Variants in NXPE2 observed in about 807,000 individuals in gnomAD.
NXPE2 encodes the protein neurexophilin and PC-esterase domain family member 2.
Under a neutral mutation model 34.4 loss-of-function variants are expected in NXPE2, and 34 were observed. That is an observed-to-expected ratio of 0.99 (90% CI 0.75 to 1.31). The LOEUF is 1.31. Among genes scored for constraint, NXPE2 ranks in the 40% most tolerant of loss-of-function variants. The probability of loss-of-function intolerance (pLI) is 0.00; values close to 1 mark genes in which losing one functional copy is unlikely to be tolerated. For synonymous variants in NXPE2, 235 were observed against 231.3 expected (o/e 1.02, Z -0.15); for missense variants, 649 against 672.5 (o/e 0.97, Z 0.39).
At chr11:114,813,672 T>G in the NXPE2 span, among the ~76,000 whole-genome samples, 1 of 152,238 alleles carries the variant, frequency 6.6e-6, no homozygotes, top group Non-Finnish European at 1.5e-5. Context: ...ATGCTACAAA[T>G]GTTGCAATGA....
At chr11:114,623,554 G>A in the NXPE2 span, among the ~76,000 whole-genome samples, 2,614 of 152,046 alleles carry the variant, frequency 0.017, 26 homozygotes, top group Non-Finnish European at 0.027. Context: ...CAGATAATAC[G>A]TATTGCCTCA....
At chr11:114,770,871 G>T in the NXPE2 span, among the ~76,000 whole-genome samples, 1 of 152,170 alleles carries the variant, frequency 6.6e-6, no homozygotes, top group Non-Finnish European at 1.5e-5. Context: ...AGAAAAAAAT[G>T]ATGTAGGATC....
the NXPE2 span, among the ~76,000 whole-genome samples, chr11:114,754,891 T>C: frequency 6.6e-6 from 1 of 152,174 alleles, no homozygotes; most frequent in African/African-American, 2.4e-5. Flanking sequence ...CTTAGAAGTT[T>C]GGAAATGTGT....
At chr11:114,505,711 A>G in the NXPE2 span, among the ~76,000 whole-genome samples, 1 of 152,214 alleles carries the variant, frequency 6.6e-6, no homozygotes, top group East Asian at 1.9e-4. Context: ...CTGCCTTACA[A>G]GAGCTCCTGA....
chr11:114,536,836 C>G, the NXPE2 span, among the ~76,000 whole-genome samples: 4 of 152,108 alleles, frequency 2.6e-5, no homozygotes. Context: ...GATTCACAGC[C>G]GAATTCTACC....
At chr11:114,666,429 T>C in the NXPE2 span, among the ~76,000 whole-genome samples, 8 of 152,290 alleles carry the variant, frequency 5.3e-5, no homozygotes, top group African/African-American at 1.4e-4. Context: ...TCAATTCAAT[T>C]TGATTATTAC....
the NXPE2 span, among the ~76,000 whole-genome samples, chr11:114,546,705 A>T: frequency 6.6e-6 from 1 of 152,080 alleles, no homozygotes; most frequent in African/African-American, 2.4e-5. Context: ...ACCATTCTCC[A>T]GTGAAAGGAA....
At chr11:114,725,993 A>ATATATATATATATATATATATATATAT in the NXPE2 span, among the ~76,000 whole-genome samples, 18 of 127,320 alleles carry the variant, frequency 1.4e-4, no homozygotes, top group East Asian at 7.4e-4. Flanking sequence ...ATATATATAT[A>ATATATATATATATATATATATATATAT]AAAAGAAAAA....
chr11:114,632,462 C>T, the NXPE2 span, among the ~76,000 whole-genome samples: 3 of 124,816 alleles, frequency 2.4e-5, no homozygotes, highest in African/African-American at 8.9e-5. Flanking sequence ...AAGAGTTATA[C>T]ATTATATATA....
chr11:114,488,381 T>C, the NXPE2 span, among the ~76,000 whole-genome samples: 1 of 152,300 alleles, frequency 6.6e-6, no homozygotes, highest in East Asian at 1.9e-4. Context: ...TTAGGTCTTC[T>C]CTCTTTTTTT....
At chr11:114,746,141 G>C in the NXPE2 span, among the ~76,000 whole-genome samples, 4 of 152,010 alleles carry the variant, frequency 2.6e-5, no homozygotes, top group Non-Finnish European at 5.9e-5. Context: ...GTTGATGTTT[G>C]ACCAGAATCT....
At chr11:114,727,503 C>T in the NXPE2 span, among the ~76,000 whole-genome samples, 1 of 151,950 alleles carries the variant, frequency 6.6e-6, no homozygotes, top group Non-Finnish European at 1.5e-5. Context: ...CAGTCTACAA[C>T]AATAACCTTT....
chr11:114,519,230 T>A, the NXPE2 span, among the ~76,000 whole-genome samples: 126 of 152,288 alleles, frequency 8.3e-4, no homozygotes, highest in African/African-American at 2.9e-3. Context: ...TTCCCCCCGT[T>A]TGGCAAAAAG....
chr11:114,547,772 T>C, the NXPE2 span, among the ~76,000 whole-genome samples: 1 of 151,976 alleles, frequency 6.6e-6, no homozygotes, highest in Non-Finnish European at 1.5e-5. Context: ...GCACCCTGGA[T>C]GGGATTGTGG....
chr11:114,668,778 A>AT, the NXPE2 span, among the ~76,000 whole-genome samples: 1 of 152,132 alleles, frequency 6.6e-6, no homozygotes, highest in Admixed American at 6.6e-5. Context: ...TTAGGACAGC[A>AT]TTTTTGGAAT....
chr11:114,613,554 A>T, the NXPE2 span, among the ~76,000 whole-genome samples: 3 of 151,186 alleles, frequency 2.0e-5, no homozygotes, highest in Non-Finnish European at 4.4e-5. Flanking sequence ...GCTGCACAAT[A>T]AGTGTTGCCT....
the NXPE2 span, among the ~76,000 whole-genome samples, chr11:114,778,772 G>A: frequency 6.6e-6 from 1 of 152,158 alleles, no homozygotes; most frequent in Non-Finnish European, 1.5e-5. Flanking sequence ...ACCACTTCCT[G>A]CAAATGCTTC....
chr11:114,644,187 CATGGCATCTGCAAACAGAGACAATATG>C, the NXPE2 span, among the ~76,000 whole-genome samples: 12 of 152,278 alleles, frequency 7.9e-5, no homozygotes, highest in East Asian at 2.3e-3. Flanking sequence ...AATATACAAT[CATGGCATCTGCAAACAGAGACAATATG>C]ACTTCCTCTC....
the NXPE2 span, among the ~76,000 whole-genome samples, chr11:114,625,218 T>C: frequency 3.3e-5 from 5 of 151,248 alleles, no homozygotes; most frequent in South Asian, 2.1e-4. Context: ...CACTGTTACC[T>C]GTTGGATAAT....
Sources: gnomAD v4.1 joint callset for allele counts (sites outside exome capture counted in the v4.1 genomes callset) on GRCh38, gnomAD v4.1.1 for gene constraint, MANE v1.5 for transcripts, NCBI Gene and HGNC (gene_info 2026-07-23, HGNC 2026-07-21) for gene names.